The following LCLAT1 variants were observed in gnomAD, a reference collection of about 807,000 sequenced individuals.
LCLAT1 encodes 1-AGP acyltransferase 8.
Under a neutral mutation model 30.7 loss-of-function variants are expected in LCLAT1, and 11 were observed. The observed-to-expected ratio is 0.36, with a 90% CI of 0.23 to 0.59. The LOEUF is 0.59. Ranked by LOEUF, LCLAT1 falls within the 20% of genes least tolerant of loss-of-function variation. LCLAT1 has a pLI of 0.77. For missense variants in LCLAT1, 402 were observed against 458.6 expected (o/e 0.88, Z 1.13); for synonymous variants, 155 against 151.3 (o/e 1.02, Z -0.18).
At chr2:30,597,709 C>A (rs946497724) in intron 5 of LCLAT1, among the ~76,000 whole-genome samples, 1 of 152,114 alleles carries the variant, frequency 6.6e-6, no homozygotes, top group African/African-American at 2.4e-5. Flanking sequence ...AGAGGGCATC[C>A]TTGTTTATGC....
intron 1 of LCLAT1, among the ~76,000 whole-genome samples, chr2:30,524,272 G>T (rs1685605991): frequency 1.3e-5 from 2 of 152,300 alleles, no homozygotes; most frequent in South Asian, 4.1e-4. Flanking sequence ...AATAGCCAGT[G>T]AAGAGTCTAA....
intron 3 of LCLAT1, among the ~76,000 whole-genome samples, chr2:30,557,875 A>T (rs558834173): frequency 1.3e-5 from 2 of 152,306 alleles, no homozygotes; most frequent in East Asian, 3.9e-4. Context: ...TAATGCTTTT[A>T]AAATGTTTTA....
intron 1 of LCLAT1, among the ~76,000 whole-genome samples, chr2:30,461,885 C>T (rs1273033436): frequency 1.3e-5 from 2 of 150,608 alleles, no homozygotes; most frequent in Non-Finnish European, 3.0e-5. Flanking sequence ...ATTCTCCTGC[C>T]TCAGCCTCCC....
chr2:30,481,648 A>G, intron 1 of LCLAT1, among the ~76,000 whole-genome samples: 1 of 152,236 alleles, frequency 6.6e-6, no homozygotes, highest in Admixed American at 6.5e-5. Context: ...ATGTGGCTAC[A>G]TGAAAGTGGA....
At chr2:30,598,907 C>T (rs1357544535) in intron 5 of LCLAT1, among the ~76,000 whole-genome samples, 3 of 151,638 alleles carry the variant, frequency 2.0e-5, no homozygotes, top group Admixed American at 6.6e-5. Flanking sequence ...CATTATTTAC[C>T]TAGGAGTCAT....
chr2:30,591,283 G>C (rs765180220), intron 5 of LCLAT1, among the ~76,000 whole-genome samples: 23 of 152,000 alleles, frequency 1.5e-4, no homozygotes, highest in Non-Finnish European at 3.2e-4. Flanking sequence ...TACCTGCTTC[G>C]GGATTACTGT....
chr2:30,509,192 A>G (rs181279484), intron 1 of LCLAT1, among the ~76,000 whole-genome samples: 68 of 152,320 alleles, frequency 4.5e-4, no homozygotes, highest in African/African-American at 1.5e-3. Flanking sequence ...TTTTCTAGAT[A>G]TAGGTTCATG....
intron 1 of LCLAT1, among the ~76,000 whole-genome samples, chr2:30,460,842 G>C (rs940708891): frequency 2.6e-5 from 4 of 152,144 alleles, no homozygotes; most frequent in African/African-American, 9.7e-5. Flanking sequence ...TTTAATCACT[G>C]ATGCCTAGGT....
At chr2:30,451,541 T>G (rs1256262965) in intron 1 of LCLAT1, among the ~76,000 whole-genome samples, 6 of 152,176 alleles carry the variant, frequency 3.9e-5, no homozygotes, top group Admixed American at 3.9e-4. Context: ...GTGATATGTT[T>G]ATAAGATGAA....
chr2:30,521,764 C>T (rs917576633), intron 1 of LCLAT1, among the ~76,000 whole-genome samples: 1 of 151,966 alleles, frequency 6.6e-6, no homozygotes, highest in African/African-American at 2.4e-5. Context: ...CTTGGCCTCC[C>T]AAAATGCTGG....
intron 1 of LCLAT1, chr2:30,459,703 C>T (rs1682012236): frequency 5.6e-6 from 9 of 1,613,358 alleles, no homozygotes; most frequent in Non-Finnish European, 7.6e-6. Flanking sequence ...CTTCATAAAG[C>T]AGGACTCTAA....
In LCLAT1 at chr2:30,525,719, C is replaced by G; in HGVS notation, c.129C>G (p.Asn43Lys). The change falls in exon 2 of 6, where the codon AAC (asparagine) becomes AAG (lysine). Residue 43 changes from asparagine to lysine, a missense_variant. Transcript: ENST00000379509. ...ACCCATCTTGGTATCGCTGGATCAA[C>G]AACCGCCTTGTGGCAACATGGCTCA... The part of the protein sequence containing the change: ...FVNPSWYRWI[N>K]NRLVATWLTL... The G allele has an allele frequency of 1.9e-6, 3 of 1,614,122 alleles. No individual in the cohort carries two copies. The highest frequency in any genetic ancestry group is 2.5e-6 in the Non-Finnish European group (3 of 1,180,018).
chr2:30,540,691 T>C (rs1664094545), intron 3 of LCLAT1, among the ~76,000 whole-genome samples: 1 of 151,272 alleles, frequency 6.6e-6, no homozygotes, highest in Non-Finnish European at 1.5e-5. Flanking sequence ...TGAGACAAAG[T>C]CTCCCTCTTG....
chr2:30,488,963 C>T (rs1372365710), intron 1 of LCLAT1, among the ~76,000 whole-genome samples: 2 of 152,164 alleles, frequency 1.3e-5, no homozygotes, highest in Non-Finnish European at 2.9e-5. Flanking sequence ...TAATCTTAAA[C>T]CATCAAATCA....
intron 3 of LCLAT1, among the ~76,000 whole-genome samples, chr2:30,537,667 A>G (rs1026149526): frequency 7.9e-5 from 12 of 152,272 alleles, no homozygotes; most frequent in African/African-American, 2.9e-4. Flanking sequence ...TCAGCAACAG[A>G]TAGATGATCC....
intron 5 of LCLAT1, among the ~76,000 whole-genome samples, chr2:30,610,503 A>G (rs2148504041): frequency 6.6e-6 from 1 of 152,276 alleles, no homozygotes; most frequent in South Asian, 2.1e-4. Flanking sequence ...TGTTTTTAAC[A>G]CCAGAGGATT....
chr2:30,483,926 T>C (rs189217304), intron 1 of LCLAT1, among the ~76,000 whole-genome samples: 1 of 152,286 alleles, frequency 6.6e-6, no homozygotes, highest in African/African-American at 2.4e-5. Context: ...TTGGGGCATT[T>C]TTTTTTACCT....
chr2:30,605,192 C>T (rs1667381372), intron 5 of LCLAT1, among the ~76,000 whole-genome samples: 1 of 152,226 alleles, frequency 6.6e-6, no homozygotes, highest in East Asian at 1.9e-4. Context: ...CGGAGATTTA[C>T]AGAGACTACT....
chr2:30,472,266 G>C (rs1239666842), intron 1 of LCLAT1, among the ~76,000 whole-genome samples: 1 of 152,178 alleles, frequency 6.6e-6, no homozygotes, highest in African/African-American at 2.4e-5. Context: ...TCACTGAATA[G>C]AAGATTCCAC....
Sources: allele counts gnomAD v4.1 joint callset (sites outside exome capture counted in the v4.1 genomes callset), GRCh38; gene constraint gnomAD v4.1.1; transcripts MANE v1.5; gene names NCBI Gene and HGNC (gene_info 2026-07-23, HGNC 2026-07-21).